LMNTD1: variants seen among roughly 807,000 people sequenced by gnomAD.
LMNTD1 encodes lamin tail domain-containing protein 1.
LMNTD1 carries 35 observed loss-of-function variants against 50.9 expected under a neutral mutation model. That is an observed-to-expected ratio of 0.69 (90% CI 0.53 to 0.91). The LOEUF (loss-of-function observed/expected upper bound fraction) is 0.91, where lower values mean the gene tolerates loss of function less well. Among genes scored for constraint, LMNTD1 ranks in the 40% least tolerant of loss-of-function variants. The probability of loss-of-function intolerance (pLI) is 0.00; values close to 1 mark genes in which losing one functional copy is unlikely to be tolerated. For missense variants in LMNTD1, 470 were observed against 475.5 expected, an observed-to-expected ratio of 0.99 and a Z score of 0.11; for synonymous variants, 153 against 161.9, an observed-to-expected ratio of 0.94 and a Z score of 0.42.
At chr12:25,517,691 A>T (rs1391444709) in intron 8 of LMNTD1, among the ~76,000 whole-genome samples, 10 of 140,838 alleles carry the variant, frequency 7.1e-5, no homozygotes, top group South Asian at 7.1e-4. Flanking sequence ...CATGTACCCT[A>T]AAACTTAAAG....
chr12:25,479,171 A>C (rs1938364943), intron 9 of LMNTD1, among the ~76,000 whole-genome samples: 1 of 152,226 alleles, frequency 6.6e-6, no homozygotes, highest in African/African-American at 2.4e-5. Context: ...CAAAGTGTAC[A>C]GGTGGCAATC....
At chr12:25,632,176 T>G (rs1946733361) in intron 1 of LMNTD1, among the ~76,000 whole-genome samples, 1 of 152,210 alleles carries the variant, frequency 6.6e-6, no homozygotes, top group African/African-American at 2.4e-5. Flanking sequence ...AACCTAAGAA[T>G]AATTGGTATT....
At chr12:25,588,438 C>T (rs992620211) in intron 1 of LMNTD1, among the ~76,000 whole-genome samples, 1 of 152,038 alleles carries the variant, frequency 6.6e-6, no homozygotes, top group African/African-American at 2.4e-5. Context: ...TCAAGATGAG[C>T]TATGAAATCA....
intron 1 of LMNTD1, among the ~76,000 whole-genome samples, chr12:25,586,751 A>T (rs1012346643): frequency 6.6e-5 from 10 of 152,194 alleles, no homozygotes; most frequent in African/African-American, 2.4e-4. Context: ...CTCTGATACG[A>T]TGGTGAACTG....
intron 9 of LMNTD1, among the ~76,000 whole-genome samples, chr12:25,489,633 C>G (rs956527386): frequency 6.6e-5 from 10 of 152,032 alleles, no homozygotes; most frequent in African/African-American, 1.9e-4. Context: ...TGTTCCTATT[C>G]GGCCATCTTG....
chr12:25,515,761 C>T (rs1940712545), intron 8 of LMNTD1, among the ~76,000 whole-genome samples: 2 of 151,960 alleles, frequency 1.3e-5, no homozygotes, highest in Admixed American at 6.6e-5. Flanking sequence ...AGTCTCTAGG[C>T]TCCTCTGTAG....
intron 1 of LMNTD1, among the ~76,000 whole-genome samples, chr12:25,576,050 A>G (rs1945005974): frequency 6.6e-6 from 1 of 152,196 alleles, no homozygotes; most frequent in East Asian, 1.9e-4. Flanking sequence ...ATAGTATTCC[A>G]TGGTGTATAT....
At chr12:25,614,278 C>G (rs1241866065) in intron 1 of LMNTD1, among the ~76,000 whole-genome samples, 1 of 152,014 alleles carries the variant, frequency 6.6e-6, no homozygotes, top group Non-Finnish European at 1.5e-5. Flanking sequence ...TCCAACTTCT[C>G]TTACTCTTGC....
chr12:25,637,992 A>G (rs1203609002), intron 1 of LMNTD1, among the ~76,000 whole-genome samples: 1 of 152,102 alleles, frequency 6.6e-6, no homozygotes, highest in African/African-American at 2.4e-5. Context: ...CACATACACC[A>G]TGACTAAGTG....
chr12:25,646,998 C>A (rs189582494), intron 1 of LMNTD1, among the ~76,000 whole-genome samples: 1 of 152,162 alleles, frequency 6.6e-6, no homozygotes, highest in Non-Finnish European at 1.5e-5. Flanking sequence ...ATTAAAGTGG[C>A]AGACTTTTCA....
At chr12:25,583,344 A>C (rs112718774) in intron 1 of LMNTD1, among the ~76,000 whole-genome samples, 6 of 151,882 alleles carry the variant, frequency 4.0e-5, no homozygotes, top group East Asian at 3.9e-4. Context: ...TTTTTAAAAA[A>C]TTTTAGTAGA....
At chr12:25,566,981 A>T (rs886583782) in intron 1 of LMNTD1, among the ~76,000 whole-genome samples, 1 of 152,208 alleles carries the variant, frequency 6.6e-6, no homozygotes, top group Non-Finnish European at 1.5e-5. Flanking sequence ...TAAGGATACT[A>T]AGGCCCTGAG....
intron 4 of LMNTD1, among the ~76,000 whole-genome samples, chr12:25,531,975 A>G (rs1282341805): frequency 6.6e-6 from 1 of 152,082 alleles, no homozygotes; most frequent in Non-Finnish European, 1.5e-5. Context: ...CTTGTTTATG[A>G]TTCTTTTAGT....
intron 1 of LMNTD1, among the ~76,000 whole-genome samples, chr12:25,630,427 G>A (rs1268772367): frequency 6.6e-6 from 1 of 152,124 alleles, no homozygotes; most frequent in Non-Finnish European, 1.5e-5. Flanking sequence ...GTCCCGAGAA[G>A]ACGCACAGAC....
At chr12:25,506,913 G>A (rs377134093) in intron 8 of LMNTD1, among the ~76,000 whole-genome samples, 5 of 151,834 alleles carry the variant, frequency 3.3e-5, no homozygotes, top group African/African-American at 1.2e-4. Context: ...GAGTTTTGCT[G>A]TTGTTGCCCA....
chr12:25,486,426 G>C (rs943880624), intron 9 of LMNTD1, among the ~76,000 whole-genome samples: 24 of 150,640 alleles, frequency 1.6e-4, no homozygotes, highest in African/African-American at 5.8e-4. Context: ...GGGTTTTCTA[G>C]ATATACAATC....
chr12:25,597,199 T>A (rs1945860685), intron 1 of LMNTD1, among the ~76,000 whole-genome samples: 1 of 151,916 alleles, frequency 6.6e-6, no homozygotes, highest in African/African-American at 2.4e-5. Context: ...TAGTTATAAA[T>A]AATAATATTG....
chr12:25,626,424 A>G lies in LMNTD1; in HGVS notation c.58+22070T>C, dbSNP rs1946591001. Among the ~76,000 whole-genome samples the G allele has an allele frequency of 2.0e-5, 3 of 152,188 alleles. No individual in the cohort carries two copies. The South Asian group carries it at 6.2e-4, about 31-fold the overall frequency. On this transcript the variant is annotated intron_variant, in intron 1 of 7. Transcript: ENST00000445693. ...TTAAAAGTTAAGTGAACAGACCATG[A>G]TTTGAAAATGCTGGTTATCAATGAT... is the stretch of plus-strand genomic sequence containing the variant.
At chr12:25,624,970 G>A (rs1946556472) in intron 1 of LMNTD1, among the ~76,000 whole-genome samples, 1 of 152,118 alleles carries the variant, frequency 6.6e-6, no homozygotes. Context: ...GATCAAAAGT[G>A]AATAATAGCA....
Sources: gnomAD v4.1 joint callset for allele counts (sites outside exome capture counted in the v4.1 genomes callset) on GRCh38, gnomAD v4.1.1 for gene constraint, MANE v1.5 for transcripts, NCBI Gene and HGNC (gene_info 2026-07-23, HGNC 2026-07-21) for gene names.